Variants in GPR176 observed in about 807,000 individuals in gnomAD.
The protein encoded by GPR176 is G protein-coupled receptor 176, also known as G-protein coupled receptor 176.
Under a neutral mutation model 35.4 loss-of-function variants are expected in GPR176, and 26 were observed. The observed-to-expected ratio is 0.74, with a 90% CI of 0.54 to 1.02. The LOEUF is 1.02. Among genes scored for constraint, GPR176 ranks in the 50% least tolerant of loss-of-function variants. GPR176 has a pLI of 0.00. For synonymous variants in GPR176, 278 were observed against 271.3 expected (o/e 1.02, Z -0.24); for missense variants, 597 against 665.3 (o/e 0.90, Z 1.13).
intron 2 of GPR176, among the ~76,000 whole-genome samples, chr15:39,802,935 T>A (rs1464723563): frequency 3.3e-5 from 5 of 152,244 alleles, no homozygotes; most frequent in African/African-American, 9.6e-5. Flanking sequence ...AGGTCTAAAA[T>A]GCCTGCACAA....
At chr15:39,812,218 T>G (rs1034134127) in intron 1 of GPR176, among the ~76,000 whole-genome samples, 1 of 152,194 alleles carries the variant, frequency 6.6e-6, no homozygotes. Context: ...GTGTTGGTTT[T>G]GGGTGTGCCT....
At chr15:39,874,973 C>T (rs1347492251) in intron 1 of GPR176, among the ~76,000 whole-genome samples, 3 of 152,178 alleles carry the variant, frequency 2.0e-5, no homozygotes, top group Non-Finnish European at 1.5e-5. Context: ...ACCTGGGAGG[C>T]GTGGTTTGTG....
intron 2 of GPR176, among the ~76,000 whole-genome samples, chr15:39,803,587 A>T (rs1196798913): frequency 6.6e-6 from 1 of 152,072 alleles, no homozygotes; most frequent in Non-Finnish European, 1.5e-5. Flanking sequence ...AGCCTCCTGT[A>T]ACAGGTACTT....
At chr15:39,803,117 CT>C (rs2140774295) in intron 2 of GPR176, among the ~76,000 whole-genome samples, 1 of 152,202 alleles carries the variant, frequency 6.6e-6, no homozygotes, top group Non-Finnish European at 1.5e-5. Flanking sequence ...AGTAAAAGGG[CT>C]GCCACTAGCT....
intron 1 of GPR176, among the ~76,000 whole-genome samples, chr15:39,832,554 A>C (rs1311229223): frequency 6.6e-6 from 1 of 151,784 alleles, no homozygotes; most frequent in Non-Finnish European, 1.5e-5. Context: ...CTTCTAGAGC[A>C]AGGGTGTCCA....
chr15:39,875,908 C>A (rs2032224875), intron 1 of GPR176, among the ~76,000 whole-genome samples: 1 of 143,842 alleles, frequency 7.0e-6, no homozygotes, highest in Non-Finnish European at 1.5e-5. Context: ...TTATTCCTCC[C>A]AATGTTTAAC....
intron 1 of GPR176, among the ~76,000 whole-genome samples, chr15:39,904,985 T>G (rs1366024723): frequency 2.0e-5 from 3 of 152,192 alleles, no homozygotes; most frequent in Non-Finnish European, 2.9e-5. Context: ...CAGCATCATG[T>G]AAGCCTATTC....
rs763511693 is a variant in GPR176 at position 39,920,005 on chromosome 15, T to C, written c.22A>G (p.Ile8Val). 12 of 1,413,516 alleles carry C rather than the reference T, an allele frequency of 8.5e-6. No individual in the cohort carries two copies. In the African/African-American group the frequency reaches 1.8e-4, roughly 21 times the overall value. 87.6% of individuals were successfully genotyped at this position (1,413,516 alleles called of 1,614,324 possible). A position where few individuals can be genotyped will look rare whatever the true frequency, so the allele number is the denominator to read the frequency against. The change falls in exon 1 of 3, where the codon ATC becomes GTC. Residue 8 changes from isoleucine (I) to valine (V), a missense_variant. By Grantham distance (29) the Ile-to-Val change is conservative (BLOSUM62 3). Transcript: ENST00000561100. ...TGCGGCTCGCTGGCATTTGGAGAGA[T>C]CCAGCTCCCGTTATGTCCCATGGCG... MGHNGSW[I>V]SPNASEPHNA...
chr15:39,917,537 T>C (rs1006388168), intron 1 of GPR176, among the ~76,000 whole-genome samples: 3 of 151,610 alleles, frequency 2.0e-5, no homozygotes, highest in Admixed American at 1.3e-4. Context: ...GATTTCATCA[T>C]GTTGGCCAGG....
intron 1 of GPR176, among the ~76,000 whole-genome samples, chr15:39,890,855 G>C (rs1050408884): frequency 2.0e-5 from 3 of 152,210 alleles, no homozygotes; most frequent in Non-Finnish European, 4.4e-5. Context: ...AGTTGGGCTT[G>C]GGCTTGACTA....
chr15:39,884,914 A>G (rs913208987), intron 1 of GPR176, among the ~76,000 whole-genome samples: 1 of 152,222 alleles, frequency 6.6e-6, no homozygotes, highest in Non-Finnish European at 1.5e-5. Flanking sequence ...CCTTTAAATA[A>G]GGAATAATAA....
At chr15:39,851,330 G>A (rs1464262841) in intron 1 of GPR176, among the ~76,000 whole-genome samples, 2 of 152,054 alleles carry the variant, frequency 1.3e-5, no homozygotes, top group Non-Finnish European at 2.9e-5. Flanking sequence ...CCAAAAACAA[G>A]AAAGTACTGC....
In GPR176 at chr15:39,802,024, A is replaced by AC; in HGVS notation, c.655dup (p.Val219GlyfsTer61). ...CAGTATCAAGAAGAGGAACACCACC[A>AC]CCACAGGCACAATGACCGTGGTGAT... is the stretch of plus-strand genomic sequence containing the variant. On this transcript the variant is annotated frameshift_variant, in exon 3 of 3. Transcript: ENST00000561100. LOFTEE classifies it high-confidence loss of function. The AC allele has an allele frequency of 6.2e-7, 1 of 1,614,066 alleles. No homozygotes were observed. The highest frequency in any genetic ancestry group is 8.5e-7 in the Non-Finnish European group (1 of 1,180,012).
chr15:39,801,930 G>A lies in GPR176; in HGVS notation c.750C>T (p.Asn250=), dbSNP rs779988792. 23 of 1,613,938 alleles carry A rather than the reference G, an allele frequency of 1.4e-5. No individual in the cohort carries two copies. The highest frequency in any genetic ancestry group is 1.9e-5 in the Non-Finnish European group (23 of 1,179,968). Residue 250 remains asparagine (N), a synonymous_variant, in exon 3 of 3, where the codon AAC becomes AAT. Coordinates refer to ENST00000561100, the MANE Select transcript of GPR176 (RefSeq NM_007223.3). ...GGGAGGCATAGGGAATAGAGATGGT[G>A]TTCTGTGGGGTCCGGAGCGCTGCTA... ...VIIAALRTPQ[N]TISIPYASQR...
rs745949392 is a variant in GPR176, at chr15:39,869,815, T to C, written c.172+50040A>G. ...CAACTTTATCCCCAAATAGTCTCAG[T>C]GCATATTTTTTTTAAAATGTAGACA... On this transcript the variant is annotated intron_variant, in intron 1 of 2. Transcript: ENST00000561100. Among the ~76,000 whole-genome samples, 4 of 152,298 alleles carry C rather than the reference T, an allele frequency of 2.6e-5. No individual in the cohort carries two copies. In the South Asian group the frequency reaches 6.2e-4, roughly 24 times the overall value.
intron 1 of GPR176, chr15:39,862,260 A>G (rs1432094218): frequency 1.3e-5 from 2 of 152,240 alleles, no homozygotes; most frequent in Non-Finnish European, 2.9e-5. Context: ...TAATTTTGCT[A>G]AAAGTGTAAA....
chr15:39,888,283 T>G (rs1238678243), intron 1 of GPR176, among the ~76,000 whole-genome samples: 1 of 54,370 alleles, frequency 1.8e-5, no homozygotes, highest in African/African-American at 9.6e-5. Flanking sequence ...TTTTTATTTG[T>G]TTTTTTTGTT....
At chr15:39,825,041 T>C (rs769171095) in intron 1 of GPR176, among the ~76,000 whole-genome samples, 50 of 152,016 alleles carry the variant, frequency 3.3e-4, no homozygotes, top group Admixed American at 1.2e-3. Context: ...CCTGTCCCTA[T>C]AAAAAATAAA....
At chr15:39,879,127 C>T (rs2032373916) in intron 1 of GPR176, among the ~76,000 whole-genome samples, 1 of 152,218 alleles carries the variant, frequency 6.6e-6, no homozygotes, top group African/African-American at 2.4e-5. Flanking sequence ...GGTCAACTAT[C>T]ATTTTACAGA....
Sources: gnomAD v4.1 joint callset for allele counts (sites outside exome capture counted in the v4.1 genomes callset) on GRCh38, gnomAD v4.1.1 for gene constraint, MANE v1.5 for transcripts, NCBI Gene and HGNC (gene_info 2026-07-23, HGNC 2026-07-21) for gene names.